VPS13A: variants seen among roughly 807,000 people sequenced by gnomAD.
The protein encoded by VPS13A is vacuolar protein sorting 13 homolog A.
A neutral mutation model predicts 390.9 loss-of-function variants in VPS13A; 264 were observed. The ratio of observed to expected loss-of-function variants is 0.68; its 90% CI spans 0.61 to 0.75. The LOEUF is 0.75. Among genes scored for constraint, VPS13A ranks in the 30% least tolerant of loss-of-function variants. The pLI, the probability that VPS13A is intolerant of heterozygous loss-of-function variation, is 0.00. For synonymous variants in VPS13A, 1,231 were observed against 1,227.1 expected, an observed-to-expected ratio of 1.00 and a Z score of -0.07; for missense variants, 3,409 against 3,733.9, an observed-to-expected ratio of 0.91 and a Z score of 2.27.
rs139408674 is a variant in VPS13A at position 77,407,127 on chromosome 9, T to C, written c.9400-406T>C. 5.7e-3 allele frequency among the ~76,000 whole-genome samples: 869 copies of C among 152,324 alleles called. 12 individuals carry two copies. Among genetic ancestry groups the C allele is most frequent in the African/African-American group, 0.02 (839 of 41,554 alleles). ...ATATATGTATGTGTTTATGTACGTA[T>C]GCATACACACACATGTGCATATATT... On this transcript the variant is annotated intron_variant, in intron 70 of 71. Coordinates refer to ENST00000360280, the MANE Select transcript of VPS13A (RefSeq NM_033305.3).
chr9:77,204,300 C>T lies in VPS13A; in HGVS notation c.188-1013C>T, dbSNP rs561248350. 1.5e-4 allele frequency among the ~76,000 whole-genome samples: 23 copies of T among 152,036 alleles called. No homozygotes were observed. In the East Asian group the frequency reaches 3.5e-3, roughly 23 times the overall value. ...TAAAATATTTTAAAACTCTCTATTA[C>T]GAAAATATTCTCAAGATACAAAACT... On this transcript the variant is annotated intron_variant, in intron 3 of 71. Transcript: ENST00000360280.
intron 17 of VPS13A, among the ~76,000 whole-genome samples, chr9:77,237,207 GT>G (rs932869489): frequency 4.0e-5 from 6 of 151,898 alleles, no homozygotes; most frequent in African/African-American, 1.5e-4. Flanking sequence ...TTGAATAAAA[GT>G]TTTTCTGTTT....
At chr9:77,404,560 G>T (rs567601831) in intron 69 of VPS13A, among the ~76,000 whole-genome samples, 7 of 152,268 alleles carry the variant, frequency 4.6e-5, no homozygotes, top group African/African-American at 1.7e-4. Flanking sequence ...TAAAGGAAAG[G>T]TAACTAATCA....
At chr9:77,338,939 G>A (rs890060607) in intron 47 of VPS13A, 9 of 155,710 alleles carry the variant, frequency 5.8e-5, no homozygotes, top group South Asian at 2.0e-4. Flanking sequence ...GGACAAGAGC[G>A]GTTAGGGGAC....
At position 77,376,077 on chromosome 9, in the gene VPS13A, GA is replaced by G. The variant is rs1833053720; in HGVS notation, c.9077+4929del. 2.0e-5 allele frequency among the ~76,000 whole-genome samples: 3 copies of G among 152,256 alleles called. 1 individual carries two copies. The South Asian group carries it at 6.2e-4, about 32-fold the overall frequency. ...ATGCTTAACTCATAAGATTATATTT[GA>G]GGAGAGACCTGAAAGAAGTAAAGGG... On this transcript the variant is annotated intron_variant, in intron 67 of 71. Coordinates refer to ENST00000360280, the MANE Select transcript of VPS13A (RefSeq NM_033305.3).
rs143475697 is a variant in VPS13A, at chr9:77,194,656, C to G, written c.101-5289C>G. 1.5e-3 allele frequency among the ~76,000 whole-genome samples: 230 copies of G among 152,306 alleles called. 1 individual carries two copies. Among genetic ancestry groups the G allele is most frequent in the African/African-American group, 5.3e-3 (221 of 41,572 alleles). The stretch of plus-strand genomic sequence containing the variant: ...GGATTCTAGAGGTCCATGACAAGAA[C>G]AGGCTACTCCATGCCTGTTTAACTC... On this transcript the variant is annotated intron_variant, in intron 1 of 71. Coordinates refer to ENST00000360280, the MANE Select transcript of VPS13A (RefSeq NM_033305.3).
chr9:77,415,967 A>C lies in VPS13A; in HGVS notation c.9486A>C (p.Thr3162=). The C allele has an allele frequency of 1.2e-6, 2 of 1,613,498 alleles. No individual in the cohort carries two copies. The highest frequency in any genetic ancestry group is 1.7e-6 in the Non-Finnish European group (2 of 1,179,500). The change falls in exon 72 of 72, where the codon ACA becomes ACC. Residue 3162 remains threonine, a synonymous_variant. Transcript: ENST00000360280. ...TTTTCCCACCGCAGTGGATCCTCAC[A>C]AAGCTACAAGAAGCAAGAGAACCTT... ...KTPEDARWIL[T]KLQEAREPSP... is the part of the protein sequence containing the mutation.
intron 10 of VPS13A, 106 bp downstream of exon 10, chr9:77,214,492 T>C: frequency 1.2e-6 from 1 of 824,112 alleles, no homozygotes; most frequent in Non-Finnish European, 2.0e-6. Context: ...TTTCCTTCTA[T>C]ATAGTTAAAT....
At chr9:77,301,814 A>T (rs1468078823) in intron 33 of VPS13A, among the ~76,000 whole-genome samples, 1 of 152,230 alleles carries the variant, frequency 6.6e-6, no homozygotes, top group Non-Finnish European at 1.5e-5. Flanking sequence ...TTTAACTCAT[A>T]GAAATAAAAA....
rs1825323384 is a variant in VPS13A, at chr9:77,201,416, T to C, written c.187+9T>C. The C allele has an allele frequency of 2.5e-6, 4 of 1,607,410 alleles. No homozygotes were observed. Among genetic ancestry groups the C allele is most frequent in the Non-Finnish European group, 3.4e-6 (4 of 1,174,160 alleles). On this transcript the variant is annotated intron_variant, in intron 3 of 71. Coordinates refer to ENST00000360280, the MANE Select transcript of VPS13A (RefSeq NM_033305.3). The stretch of plus-strand genomic sequence containing the variant: ...TAAAGTTGGTCACATAGGTAAGCCA[T>C]ATTCATTATTGGGATATCCTCCTTC...
At chr9:77,327,422 G>A (rs1199729852) in intron 45 of VPS13A, among the ~76,000 whole-genome samples, 2 of 152,100 alleles carry the variant, frequency 1.3e-5, no homozygotes, top group Non-Finnish European at 2.9e-5. Flanking sequence ...TGCTTCAAAT[G>A]TATAGAGCAA....
intron 68 of VPS13A, among the ~76,000 whole-genome samples, chr9:77,400,158 T>C (rs1363712165): frequency 6.6e-6 from 1 of 151,854 alleles, no homozygotes; most frequent in Admixed American, 6.6e-5. Flanking sequence ...AGAGGGTATG[T>C]TTAATTGATT....
chr9:77,213,165 A>G, intron 8 of VPS13A, 69 bp from the exon 9 acceptor site: 1 of 1,550,806 alleles, frequency 6.4e-7, no homozygotes, highest in Non-Finnish European at 8.9e-7. Flanking sequence ...ATTATTTGAG[A>G]CTTCTGAAAA....
chr9:77,270,062 C>T (rs1488611935), intron 23 of VPS13A, among the ~76,000 whole-genome samples: 1 of 152,122 alleles, frequency 6.6e-6, no homozygotes, highest in Non-Finnish European at 1.5e-5. Flanking sequence ...GTTAAAGTCA[C>T]CCAGTCTATG....
chr9:77,363,593 G>A (rs1005629169), intron 59 of VPS13A, among the ~76,000 whole-genome samples: 2 of 150,306 alleles, frequency 1.3e-5, no homozygotes, highest in African/African-American at 4.9e-5. Context: ...TGTAATTTTA[G>A]TAGAGACAGG....
intron 68 of VPS13A, among the ~76,000 whole-genome samples, chr9:77,397,933 A>C (rs906003076): frequency 6.6e-6 from 1 of 152,350 alleles, no homozygotes; most frequent in South Asian, 2.1e-4. Context: ...ACATTTAAGC[A>C]TATAAATGAG....
At chr9:77,357,880 G>T in intron 56 of VPS13A, 42 bp downstream of exon 56, 2 of 1,570,530 alleles carry the variant, frequency 1.3e-6, no homozygotes, top group Non-Finnish European at 1.7e-6. Flanking sequence ...TATTCTAAAG[G>T]AATGCAATAA....
intron 22 of VPS13A, among the ~76,000 whole-genome samples, chr9:77,259,670 A>C (rs1200131363): frequency 6.6e-6 from 1 of 152,164 alleles, no homozygotes; most frequent in Non-Finnish European, 1.5e-5. Flanking sequence ...TGAGCAGGCT[A>C]TTTGCACTGC....
intron 52 of VPS13A, among the ~76,000 whole-genome samples, chr9:77,347,803 A>G (rs1005067436): frequency 5.9e-5 from 9 of 151,998 alleles, no homozygotes; most frequent in Non-Finnish European, 1.5e-5. Flanking sequence ...ATATACTTCT[A>G]GGCTGCCTTT....
Sources: allele counts gnomAD v4.1 joint callset (sites outside exome capture counted in the v4.1 genomes callset), GRCh38; gene constraint gnomAD v4.1.1; transcripts MANE v1.5; gene names NCBI Gene and HGNC (gene_info 2026-07-23, HGNC 2026-07-21).